The following TRPM2 variants were observed in gnomAD, a reference collection of about 807,000 sequenced individuals.
The protein encoded by TRPM2 is estrogen-responsive element-associated gene 1 protein.
TRPM2 carries 161 observed loss-of-function variants against 174.0 expected under a neutral mutation model. The observed-to-expected ratio is 0.93, with a 90% confidence interval of 0.81 to 1.05. The LOEUF (loss-of-function observed/expected upper bound fraction) is 1.05, where lower values mean the gene tolerates loss of function less well. Among genes scored for constraint, TRPM2 ranks in the 50% least tolerant of loss-of-function variants. The probability of loss-of-function intolerance (pLI) is 0.00; values close to 1 mark genes in which losing one functional copy is unlikely to be tolerated. For synonymous variants in TRPM2, 954 were observed against 861.3 expected (o/e 1.11, Z -1.88); for missense variants, 2,057 against 2,038.0 (o/e 1.01, Z -0.18).
chr21:44,371,556 G>A (rs1325070966), intron 5 of TRPM2, among the ~76,000 whole-genome samples: 1 of 152,066 alleles, frequency 6.6e-6, no homozygotes, highest in Non-Finnish European at 1.5e-5. Context: ...GTGTCCCGTG[G>A]CCTTCTCTGT....
chr21:44,376,734 G>A lies in TRPM2; in HGVS notation c.952+721G>A, dbSNP rs565351320. ...AGGGTTCAAAGAGGAGATGGTGAAC[G>A]GGAGGTGTCTGACCTGTGGCTGGGT... On this transcript the variant is annotated intron_variant, in intron 6 of 31. Coordinates refer to ENST00000397928, the MANE Select transcript of TRPM2 (RefSeq NM_003307.4). The surrounding 1 kb of genome is among the most constrained non-coding windows in gnomAD (Gnocchi z 4.2). Among the ~76,000 whole-genome samples the A allele has an allele frequency of 7.2e-5, 11 of 152,300 alleles. No homozygotes were observed. In the East Asian group the frequency reaches 1.7e-3, roughly 24 times the overall value.
At chr21:44,393,287 C>CG (rs1555893202) in intron 11 of TRPM2, among the ~76,000 whole-genome samples, 1 of 151,930 alleles carries the variant, frequency 6.6e-6, no homozygotes, top group Non-Finnish European at 1.5e-5. Flanking sequence ...AGCAAAGCAT[C>CG]GATGCCTTTG....
chr21:44,418,831 T>C (rs2050409609), intron 22 of TRPM2, among the ~76,000 whole-genome samples: 1 of 151,780 alleles, frequency 6.6e-6, no homozygotes. Context: ...AGGGGCAGGT[T>C]GGCCCGCAGG....
intron 19 of TRPM2, among the ~76,000 whole-genome samples, chr21:44,411,648 T>C (rs1286130679): frequency 6.6e-6 from 1 of 152,182 alleles, no homozygotes; most frequent in Non-Finnish European, 1.5e-5. Flanking sequence ...GGGGACATCC[T>C]TGCTTTGCTC....
At chr21:44,405,068 G>C in intron 16 of TRPM2, 74 bp from the exon 17 acceptor site, 1 of 1,593,806 alleles carries the variant, frequency 6.3e-7, no homozygotes, top group South Asian at 1.1e-5. Flanking sequence ...ATAGTGGATA[G>C]TGATGTGACA....
At position 44,435,153 on chromosome 21, in the gene TRPM2, C is replaced by A. The variant is rs779165269; in HGVS notation, c.3997C>A (p.Leu1333Met). Residue 1333 changes from leucine to methionine, a missense_variant, in exon 28 of 32, where the codon CTG (leucine) becomes ATG (methionine). Coordinates refer to ENST00000397928, the MANE Select transcript of TRPM2 (RefSeq NM_003307.4). ...LPLNPMGRTG[L>M]RGRGSLSCFG... The stretch of plus-strand genomic sequence containing the variant: ...CAGGAACCCCATGGGCCGCACAGGA[C>A]TGCGTGGGCGCGGGAGCCTCAGCTG... 6.2e-7 allele frequency: 1 copy of A among 1,613,454 alleles called. No individual in the cohort carries two copies. The highest frequency in any genetic ancestry group is 8.5e-7 in the Non-Finnish European group (1 of 1,179,568).
At position 44,390,777 on chromosome 21, in the gene TRPM2, C is replaced by T. The variant is rs139549535; in HGVS notation, c.1319-127C>T. 8,445 of 1,292,236 alleles carry T rather than the reference C, an allele frequency of 6.5e-3. 51 individuals are homozygous for T. Among genetic ancestry groups the T allele is most frequent in the Non-Finnish European group, 7.1e-3 (6,498 of 920,576 alleles). The allele number at this position is 1,292,236 out of a possible 1,614,324, so 80.0% of individuals were successfully genotyped here. ...TATGGGAGGAGGTCACTGGGTGCTG[C>T]GCCTGTCACTTTGAATTGTTGAGAG... On this transcript the variant is annotated intron_variant, in intron 9 of 31. Transcript: ENST00000397928.
chr21:44,391,615 T>C lies in TRPM2; in HGVS notation c.1784T>C (p.Val595Ala). The C allele has an allele frequency of 1.3e-6, 2 of 1,576,828 alleles. No homozygotes were observed. Among genetic ancestry groups the C allele is most frequent in the Non-Finnish European group, 1.7e-6 (2 of 1,167,934 alleles). The change falls in exon 11 of 32, where the codon GTC becomes GCC. Residue 595 changes from valine (V) to alanine (A), a missense_variant. Coordinates refer to ENST00000397928, the MANE Select transcript of TRPM2 (RefSeq NM_003307.4). This position sits in a 1 kb window ranked among gnomAD's most constrained non-coding sequence, Gnocchi z 5.0. Reference protein sequence around the residue: ...RLRLLLPVPHVKLNVQGVSLR... With the variant: ...RLRLLLPVPHAKLNVQGVSLR... Reference sequence around the variant, plus strand: ...CGGCTCCTGCTGCCCGTTCCCCACGTCAAGCTCAACGTGCGTGCTGGTAAC... The same window carrying C: ...CGGCTCCTGCTGCCCGTTCCCCACGCCAAGCTCAACGTGCGTGCTGGTAAC...
At chr21:44,412,638 G>C (rs187584363) in intron 19 of TRPM2, among the ~76,000 whole-genome samples, 37 of 151,342 alleles carry the variant, frequency 2.4e-4, no homozygotes, top group African/African-American at 9.0e-4. Flanking sequence ...CTTGCTTTTG[G>C]CTTGTCTCAG....
chr21:44,411,003 G>A (rs893004400), intron 19 of TRPM2, among the ~76,000 whole-genome samples: 1 of 150,798 alleles, frequency 6.6e-6, no homozygotes, highest in South Asian at 2.1e-4. Context: ...GCGTAGCCTT[G>A]TAGTAAGTTT....
intron 27 of TRPM2, among the ~76,000 whole-genome samples, chr21:44,431,100 A>T: frequency 6.7e-6 from 1 of 149,890 alleles, no homozygotes; most frequent in South Asian, 2.1e-4. Context: ...CTTCCTTTCT[A>T]CTTCTTATGG....
chr21:44,365,319 G>A (rs1261191070), intron 3 of TRPM2, among the ~76,000 whole-genome samples: 1 of 152,248 alleles, frequency 6.6e-6, no homozygotes, highest in Non-Finnish European at 1.5e-5. Flanking sequence ...CTGGAGCCCT[G>A]AACTTGGTAC....
intron 2 of TRPM2, among the ~76,000 whole-genome samples, chr21:44,361,771 G>A (rs1444888600): frequency 2.0e-5 from 3 of 152,050 alleles, no homozygotes; most frequent in South Asian, 2.1e-4. Context: ...ACAGTGGCAC[G>A]ATCTCGGCTC....
chr21:44,364,081 A>C, intron 2 of TRPM2, 33 bp from the exon 3 acceptor site: 1 of 1,601,430 alleles, frequency 6.2e-7, no homozygotes, highest in Non-Finnish European at 8.5e-7. Flanking sequence ...AGGGCACCAC[A>C]CTCCCTGGGT....
chr21:44,412,918 A>G (rs1569086851), intron 19 of TRPM2, among the ~76,000 whole-genome samples: 1 of 152,162 alleles, frequency 6.6e-6, no homozygotes. Context: ...TTGATTACCC[A>G]ATAATGCATT....
At chr21:44,350,390 C>T (rs1443708701), upstream of TRPM2, 1 of 136,694 alleles carries the variant, frequency 7.3e-6, no homozygotes, top group Non-Finnish European at 1.5e-5. Flanking sequence ...ATCGGGGTGC[C>T]GAGTGCGTGC....
chr21:44,435,307 G>T, intron 28 of TRPM2, 90 bp downstream of exon 28: 2 of 1,423,790 alleles, frequency 1.4e-6, no homozygotes, highest in South Asian at 1.3e-5. Flanking sequence ...GTGCTCAGGG[G>T]CCGGGAGGGC....
intron 28 of TRPM2, 69 bp downstream of exon 28, chr21:44,435,286 G>A (rs1273163276): frequency 3.9e-6 from 6 of 1,553,672 alleles, no homozygotes; most frequent in East Asian, 4.6e-5. Flanking sequence ...AGGGGCGGCT[G>A]CCATTGCCCA....
chr21:44,429,908 G>A (rs981213672), intron 27 of TRPM2, among the ~76,000 whole-genome samples: 7 of 152,138 alleles, frequency 4.6e-5, no homozygotes, highest in Non-Finnish European at 7.4e-5. Context: ...ATTAAGTATG[G>A]TATTTACTGA....
Sources: allele counts gnomAD v4.1 joint callset (sites outside exome capture counted in the v4.1 genomes callset), GRCh38; gene constraint gnomAD v4.1.1; non-coding constraint Gnocchi (gnomAD v3.1); transcripts MANE v1.5; gene names NCBI Gene and HGNC (gene_info 2026-07-23, HGNC 2026-07-21).